Variants in CCR9 observed in about 807,000 individuals in gnomAD.
CCR9 encodes C-C chemokine receptor type 9.
CCR9 carries 4 observed loss-of-function variants against 8.7 expected under a neutral mutation model. The observed-to-expected ratio is 0.46, with a 90% CI of 0.23 to 1.06. The LOEUF (loss-of-function observed/expected upper bound fraction) is 1.06. Ranked by LOEUF, CCR9 falls within the 50% of genes least tolerant of loss-of-function variation. The probability of loss-of-function intolerance (pLI) is 0.21; values close to 1 mark genes in which losing one functional copy is unlikely to be tolerated. For synonymous variants in CCR9, 159 were observed against 168.8 expected, an observed-to-expected ratio of 0.94 and a Z score of 0.45; for missense variants, 394 against 453.6, an observed-to-expected ratio of 0.87 and a Z score of 1.19.
At chr3:45,897,993 A>C (rs1185779966) in intron 2 of CCR9, among the ~76,000 whole-genome samples, 149 of 146,360 alleles carry the variant, frequency 1.0e-3, no homozygotes, top group Middle Eastern at 3.6e-3. Context: ...AAAAAAAAAA[A>C]CACACAAAAC....
intron 2 of CCR9, chr3:45,897,447 G>A (rs2236938): frequency 0.14 from 97,818 of 724,478 alleles, 10,884 homozygotes; most frequent in African/African-American, 0.46. Flanking sequence ...CAATGTCCTT[G>A]TCTGGGATTC....
chr3:45,890,538 T>C (rs1327869438), intron 1 of CCR9, among the ~76,000 whole-genome samples: 1 of 150,562 alleles, frequency 6.6e-6, no homozygotes, highest in African/African-American at 2.4e-5. Flanking sequence ...GCTTTTCTGC[T>C]TGCTGGGTGA....
chr3:45,899,064 G>A (rs1036851082), intron 2 of CCR9, among the ~76,000 whole-genome samples: 2 of 152,220 alleles, frequency 1.3e-5, no homozygotes, highest in Non-Finnish European at 2.9e-5. Flanking sequence ...TACTCAGGAG[G>A]CTGAGGCAGG....
In CCR9 at chr3:45,901,119, C is replaced by A. The variant is rs113503995; in HGVS notation, c.331C>A (p.Gln111Lys). Residue 111 changes from glutamine (Q) to lysine (K), a missense_variant, in exon 3 of 3, where the codon CAG becomes AAG. Coordinates refer to ENST00000357632, the MANE Select transcript of CCR9 (RefSeq NM_031200.3). The surrounding 1 kb of genome is among the most constrained non-coding windows in gnomAD (Gnocchi z 4.3). Reference sequence around the variant, plus strand: ...CTTCTGGGCCATTGCTGCTGCTGACCAGTGGAAGTTCCAGACCTTCATGTG... The same window carrying A: ...CTTCTGGGCCATTGCTGCTGCTGACAAGTGGAAGTTCCAGACCTTCATGTG... Reference protein sequence around the residue: ...LPFWAIAAADQWKFQTFMCKV... With the variant: ...LPFWAIAAADKWKFQTFMCKV... 1.1e-5 allele frequency: 18 copies of A among 1,614,144 alleles called. No individual in the cohort carries two copies. In the African/African-American group the frequency reaches 1.3e-4, roughly 12 times the overall value.
At chr3:45,895,053 G>A in intron 2 of CCR9, 99 bp downstream of exon 2, 1 of 1,267,588 alleles carries the variant, frequency 7.9e-7, no homozygotes, top group Non-Finnish European at 1.2e-6. Flanking sequence ...GGATTTATCT[G>A]TGTGGTTTCC....
chr3:45,892,290 G>A (rs1702205195), intron 1 of CCR9, among the ~76,000 whole-genome samples: 1 of 152,038 alleles, frequency 6.6e-6, no homozygotes, highest in East Asian at 1.9e-4. Context: ...ATTCACAATA[G>A]CAAAAACATG....
intron 2 of CCR9, among the ~76,000 whole-genome samples, chr3:45,895,694 A>G (rs1702331685): frequency 6.6e-6 from 1 of 152,068 alleles, no homozygotes; most frequent in African/African-American, 2.4e-5. Flanking sequence ...AGCCTGGGCA[A>G]CAGAGCGAGA....
chr3:45,895,480 G>A (rs1402099818), intron 2 of CCR9, among the ~76,000 whole-genome samples: 2 of 152,250 alleles, frequency 1.3e-5, no homozygotes, highest in African/African-American at 4.8e-5. Context: ...GGAGGCAGAG[G>A]CGGGCGGATC....
intron 1 of CCR9, among the ~76,000 whole-genome samples, chr3:45,892,319 A>G (rs1377392350): frequency 6.6e-6 from 1 of 152,226 alleles, no homozygotes; most frequent in Non-Finnish European, 1.5e-5. Flanking sequence ...CTAAATGTTC[A>G]TCAACGATAG....
At chr3:45,897,016 G>C (rs1702377507) in intron 2 of CCR9, among the ~76,000 whole-genome samples, 1 of 152,180 alleles carries the variant, frequency 6.6e-6, no homozygotes, top group Non-Finnish European at 1.5e-5. Context: ...GGACGCCTGG[G>C]CTGCTGCTTC....
chr3:45,897,948 T>C (rs1213430994), intron 2 of CCR9, among the ~76,000 whole-genome samples: 1 of 140,270 alleles, frequency 7.1e-6, no homozygotes, highest in Non-Finnish European at 1.5e-5. Flanking sequence ...CTCAGGCTCA[T>C]GTGAGAGTCT....
At chr3:45,897,107 G>A (rs909355516) in intron 2 of CCR9, among the ~76,000 whole-genome samples, 2 of 152,150 alleles carry the variant, frequency 1.3e-5, no homozygotes, top group Admixed American at 6.5e-5. Context: ...CCAGGACACA[G>A]ACAGGCAGGA....
chr3:45,892,869 C>T (rs1355962617), intron 1 of CCR9, among the ~76,000 whole-genome samples: 1 of 152,208 alleles, frequency 6.6e-6, no homozygotes, highest in Non-Finnish European at 1.5e-5. Flanking sequence ...GTTCTGGTTG[C>T]TTTCCTCCTC....
rs1294084825 is a variant in CCR9 at position 45,900,759 on chromosome 3, G to A, written c.22-51G>A. The A allele has an allele frequency of 4.5e-6, 7 of 1,558,654 alleles. No individual in the cohort carries two copies. Among genetic ancestry groups the A allele is most frequent in the Non-Finnish European group, 5.2e-6 (6 of 1,152,072 alleles). ...GGTCCATGCCTCTGCCATCAGACAG[G>A]ACCTTCAAAATATTTTCCTTGACCT... On this transcript the variant is annotated intron_variant, in intron 2 of 2. Coordinates refer to ENST00000357632, the MANE Select transcript of CCR9 (RefSeq NM_031200.3). This position sits in a 1 kb window ranked among gnomAD's most constrained non-coding sequence, Gnocchi z 4.7.
intron 1 of CCR9, among the ~76,000 whole-genome samples, chr3:45,890,637 A>T (rs1702148866): frequency 6.6e-6 from 1 of 151,974 alleles, no homozygotes; most frequent in South Asian, 2.1e-4. Context: ...ACAGAGCTGA[A>T]GATGTCAGAA....
At chr3:45,890,352 T>TA (rs1702137743) in intron 1 of CCR9, among the ~76,000 whole-genome samples, 1 of 16,186 alleles carries the variant, frequency 6.2e-5, no homozygotes, top group Non-Finnish European at 1.3e-4. Context: ...ATATATAACA[T>TA]ATATATATAT....
rs1475948592 is a variant in CCR9 at position 45,901,762 on chromosome 3, G to T, written c.974G>T (p.Arg325Leu). The change falls in exon 3 of 3, where the codon CGC becomes CTC. Residue 325 changes from arginine (R) to leucine (L), a missense_variant. Coordinates refer to ENST00000357632, the MANE Select transcript of CCR9 (RefSeq NM_031200.3). This position sits in a 1 kb window ranked among gnomAD's most constrained non-coding sequence, Gnocchi z 4.3. ...VLYVFVGERF[R>L]RDLVKTLKNL... ...TATGTTTTTGTGGGTGAGAGATTCCGCCGGGATCTCGTGAAAACCCTGAAG... is the reference window on the plus strand; with the variant it reads ...TATGTTTTTGTGGGTGAGAGATTCCTCCGGGATCTCGTGAAAACCCTGAAG... 3.7e-6 allele frequency: 6 copies of T among 1,614,170 alleles called. No individual in the cohort carries two copies. Among genetic ancestry groups the T allele is most frequent in the Non-Finnish European group, 5.1e-6 (6 of 1,180,034 alleles).
intron 1 of CCR9, among the ~76,000 whole-genome samples, chr3:45,894,581 TG>T (rs1459771172): frequency 6.6e-6 from 1 of 152,114 alleles, no homozygotes; most frequent in Non-Finnish European, 1.5e-5. Context: ...CTGGGAAAAA[TG>T]TAACAGCCCA....
At chr3:45,895,101 G>T in intron 2 of CCR9, 147 bp downstream of exon 2, 1 of 836,248 alleles carries the variant, frequency 1.2e-6, no homozygotes, top group Non-Finnish European at 2.0e-6. Flanking sequence ...GCATTGCTGG[G>T]TAGGTTGTTG....
Sources: gnomAD v4.1 joint callset for allele counts (sites outside exome capture counted in the v4.1 genomes callset) on GRCh38, gnomAD v4.1.1 for gene constraint, Gnocchi (gnomAD v3.1) non-coding constraint, MANE v1.5 for transcripts, NCBI Gene and HGNC (gene_info 2026-07-23, HGNC 2026-07-21) for gene names.